WWC1: variants seen among roughly 807,000 people sequenced by gnomAD.
The protein encoded by WWC1 is protein KIBRA.
WWC1 carries 55 observed loss-of-function variants against 138.4 expected under a neutral mutation model. That is an observed-to-expected ratio of 0.40 (90% CI 0.32 to 0.50). The LOEUF is 0.50. Among genes scored for constraint, WWC1 ranks in the 20% least tolerant of loss-of-function variants. The pLI is 0.72. For synonymous variants in WWC1, 524 were observed against 564.9 expected, an observed-to-expected ratio of 0.93 and a Z score of 1.03; for missense variants, 1,226 against 1,420.4, an observed-to-expected ratio of 0.86 and a Z score of 2.20.
intron 1 of WWC1, among the ~76,000 whole-genome samples, chr5:168,321,182 C>A (rs1284487604): frequency 1.3e-5 from 2 of 152,144 alleles, no homozygotes; most frequent in Non-Finnish European, 2.9e-5. Flanking sequence ...TTTTGTGCCA[C>A]CGGGATTAAT....
intron 1 of WWC1, among the ~76,000 whole-genome samples, chr5:168,313,755 C>T (rs59173424): frequency 0.35 from 52,840 of 151,958 alleles, 9,583 homozygotes; most frequent in Admixed American, 0.41. Flanking sequence ...TTTGTGGCTG[C>T]CTGTGCCTCT....
At chr5:168,435,338 A>G (rs1782270089) in intron 15 of WWC1, among the ~76,000 whole-genome samples, 1 of 152,058 alleles carries the variant, frequency 6.6e-6, no homozygotes, top group Non-Finnish European at 1.5e-5. Flanking sequence ...CTCTATCTTC[A>G]ATTTTCCCTC....
chr5:168,295,276 G>A (rs1317928449), intron 1 of WWC1, among the ~76,000 whole-genome samples: 3 of 151,966 alleles, frequency 2.0e-5, no homozygotes, highest in South Asian at 2.1e-4. Context: ...CCCTTCTGCC[G>A]CTCTTACCTC....
intron 1 of WWC1, among the ~76,000 whole-genome samples, chr5:168,334,012 TGGA>T (rs1773246238): frequency 8.8e-6 from 1 of 114,178 alleles, no homozygotes; most frequent in South Asian, 3.1e-4. Flanking sequence ...GCCCAGGAGG[TGGA>T]GACCAGCCTG....
rs144503706 is a variant in WWC1, at chr5:168,456,969, G to A, written c.2823+1449G>A. 4.5e-3 allele frequency among the ~76,000 whole-genome samples: 678 copies of A among 151,922 alleles called. 3 individuals carry two copies. Among genetic ancestry groups the A allele is most frequent in the African/African-American group, 0.016 (652 of 41,424 alleles). On this transcript the variant is annotated intron_variant, in intron 19 of 22. Coordinates refer to ENST00000265293, the MANE Select transcript of WWC1 (RefSeq NM_015238.3). Reference sequence around the variant, plus strand: ...TTTAAGTGACCCTTTTCCAGGATTCGCATCTTCAAATAACAGAAAGCACCT... The same window carrying A: ...TTTAAGTGACCCTTTTCCAGGATTCACATCTTCAAATAACAGAAAGCACCT...
chr5:168,317,111 G>T (rs529521927), intron 1 of WWC1, among the ~76,000 whole-genome samples: 1 of 152,288 alleles, frequency 6.6e-6, no homozygotes. Context: ...TTCCAGATGA[G>T]GCAGCTGTGG....
chr5:168,351,479 G>A (rs189881768), intron 1 of WWC1, among the ~76,000 whole-genome samples: 45 of 152,260 alleles, frequency 3.0e-4, no homozygotes, highest in African/African-American at 1.0e-3. Context: ...ACCTTGTCTC[G>A]AAGCGACTTC....
intron 2 of WWC1, 26 bp downstream of exon 2, chr5:168,371,559 C>T (rs769504569): frequency 1.3e-6 from 2 of 1,564,592 alleles, no homozygotes; most frequent in Non-Finnish European, 1.8e-6. Context: ...TCCTCCCTTC[C>T]CTGTGCCCTC....
chr5:168,464,452 A>G (rs1199005650), intron 20 of WWC1, among the ~76,000 whole-genome samples: 1 of 152,194 alleles, frequency 6.6e-6, no homozygotes, highest in Non-Finnish European at 1.5e-5. Context: ...TGCATGCCTC[A>G]TCTGTGCAGA....
intron 1 of WWC1, among the ~76,000 whole-genome samples, chr5:168,363,937 G>C (rs1011262796): frequency 3.3e-5 from 5 of 152,096 alleles, no homozygotes; most frequent in African/African-American, 1.2e-4. Flanking sequence ...TGGTGGGTGT[G>C]GTGATGGTGG....
intron 13 of WWC1, among the ~76,000 whole-genome samples, chr5:168,429,808 A>T (rs1395190101): frequency 6.6e-6 from 1 of 151,996 alleles, no homozygotes. Context: ...GGTGGTGAAC[A>T]CCTGTAGTCC....
At chr5:168,422,217 G>A (rs1192287467) in intron 10 of WWC1, 120 bp downstream of exon 10, 17 of 965,110 alleles carry the variant, frequency 1.8e-5, no homozygotes, top group Non-Finnish European at 2.7e-5. Context: ...TGGATGTTTA[G>A]AAGCATAGCA....
chr5:168,467,757 C>T, intron 21 of WWC1, 83 bp from the exon 22 acceptor site: 1 of 1,584,150 alleles, frequency 6.3e-7, no homozygotes, highest in East Asian at 2.3e-5. Context: ...CTACAGTAGC[C>T]CCCTCTGTTG....
chr5:168,402,333 G>A (rs1779370561), intron 5 of WWC1, among the ~76,000 whole-genome samples: 1 of 152,214 alleles, frequency 6.6e-6, no homozygotes, highest in Non-Finnish European at 1.5e-5. Flanking sequence ...CAGGTGGTCA[G>A]GGTTCAAATC....
At chr5:168,370,391 A>G (rs752601618) in intron 1 of WWC1, among the ~76,000 whole-genome samples, 6 of 152,194 alleles carry the variant, frequency 3.9e-5, no homozygotes, top group Admixed American at 6.5e-5. Flanking sequence ...GAAGCCCTTG[A>G]TGAGAAATCC....
intron 1 of WWC1, among the ~76,000 whole-genome samples, chr5:168,315,609 T>C (rs1400247503): frequency 6.6e-6 from 1 of 152,082 alleles, no homozygotes; most frequent in East Asian, 1.9e-4. Context: ...TCTTTCTGCC[T>C]GACTGCTCCC....
At chr5:168,328,675 C>A (rs1722260014) in intron 1 of WWC1, among the ~76,000 whole-genome samples, 1 of 152,056 alleles carries the variant, frequency 6.6e-6, no homozygotes. Context: ...GCCTCCCGAA[C>A]AGCTGGGACT....
rs1046778876 is a variant in WWC1 at position 168,291,652 on chromosome 5, G to A, written c.-501G>A. 6.6e-6 allele frequency: 1 copy of A among 152,114 alleles called. No homozygotes were observed. The highest frequency in any genetic ancestry group is 1.9e-4 in the East Asian group (1 of 5,170). 9.4% of individuals were successfully genotyped at this position (152,114 alleles called of 1,614,324 possible). A position where few individuals can be genotyped will look rare whatever the true frequency, so the allele number is the denominator to read the frequency against. On this transcript the variant is annotated 5_prime_UTR_variant, in exon 1 of 23. Coordinates refer to ENST00000265293, the MANE Select transcript of WWC1 (RefSeq NM_015238.3). The stretch of plus-strand genomic sequence containing the variant: ...CCCGGCGCTCCGCCTCCCGTTTCCG[G>A]GGCAGCGCGGTTACCTGCACCGCCC...
At chr5:168,424,477 A>T (rs1482485922) in intron 11 of WWC1, among the ~76,000 whole-genome samples, 1 of 152,226 alleles carries the variant, frequency 6.6e-6, no homozygotes, top group East Asian at 1.9e-4. Context: ...CAGGGAATAA[A>T]CCTGCAACCA....
Sources: gnomAD v4.1 joint callset for allele counts (sites outside exome capture counted in the v4.1 genomes callset) on GRCh38, gnomAD v4.1.1 for gene constraint, MANE v1.5 for transcripts, NCBI Gene and HGNC (gene_info 2026-07-23, HGNC 2026-07-21) for gene names.